Variants in MGMT observed in about 807,000 individuals in gnomAD.
The protein encoded by MGMT is methylated-DNA--protein-cysteine methyltransferase.
A neutral mutation model predicts 15.9 loss-of-function variants in MGMT; 14 were observed. That is an observed-to-expected ratio of 0.88 (90% CI 0.58 to 1.37). MGMT has a LOEUF of 1.37. Among genes scored for constraint, MGMT ranks in the 40% most tolerant of loss-of-function variants. The probability of loss-of-function intolerance (pLI) is 0.00; values close to 1 mark genes in which losing one functional copy is unlikely to be tolerated. For missense variants in MGMT, 282 were observed against 268.1 expected (o/e 1.05, Z -0.36); for synonymous variants, 130 against 118.2 (o/e 1.10, Z -0.65).
At chr10:129,651,785 C>T (rs1182278157) in intron 2 of MGMT, among the ~76,000 whole-genome samples, 1 of 151,950 alleles carries the variant, frequency 6.6e-6, no homozygotes, top group Non-Finnish European at 1.5e-5. Flanking sequence ...GAAGAACGGC[C>T]CTGCAGAGTG....
intron 2 of MGMT, among the ~76,000 whole-genome samples, chr10:129,541,040 T>C (rs1233740366): frequency 6.6e-6 from 1 of 152,252 alleles, no homozygotes; most frequent in Admixed American, 6.5e-5. Context: ...TTGCTTCCTC[T>C]GAATGGGTGT....
chr10:129,626,504 G>T (rs968307483), intron 2 of MGMT, among the ~76,000 whole-genome samples: 1 of 152,178 alleles, frequency 6.6e-6, no homozygotes, highest in Admixed American at 6.5e-5. Context: ...TCCAGCCCGA[G>T]CCCCGCGGCA....
chr10:129,472,523 C>G (rs759942267), intron 1 of MGMT, among the ~76,000 whole-genome samples: 2 of 152,170 alleles, frequency 1.3e-5, no homozygotes, highest in African/African-American at 2.4e-5. Flanking sequence ...TGCACACACC[C>G]AAGCCCTCAC....
At chr10:129,697,765 G>C (rs370059314) in intron 2 of MGMT, among the ~76,000 whole-genome samples, 1 of 152,170 alleles carries the variant, frequency 6.6e-6, no homozygotes, top group Non-Finnish European at 1.5e-5. Context: ...CAGCCACCTT[G>C]CCTGTGGCTG....
chr10:129,638,471 G>A (rs779346893), intron 2 of MGMT, among the ~76,000 whole-genome samples: 14 of 99,582 alleles, frequency 1.4e-4, no homozygotes, highest in Middle Eastern at 5.2e-3. Context: ...AATAACTGAC[G>A]TCTATCTAGA....
At chr10:129,675,143 G>A (rs753064505) in intron 2 of MGMT, among the ~76,000 whole-genome samples, 5 of 152,218 alleles carry the variant, frequency 3.3e-5, no homozygotes, top group African/African-American at 4.8e-5. Context: ...CAAAGCAGCA[G>A]GACAGAGGAC....
At chr10:129,754,879 T>A (rs1848787895) in intron 3 of MGMT, among the ~76,000 whole-genome samples, 1 of 152,172 alleles carries the variant, frequency 6.6e-6, no homozygotes. Flanking sequence ...CAGGAACACA[T>A]TGAAACCTTA....
chr10:129,569,311 A>G (rs972367334), intron 2 of MGMT, among the ~76,000 whole-genome samples: 3 of 152,190 alleles, frequency 2.0e-5, no homozygotes, highest in Non-Finnish European at 4.4e-5. Flanking sequence ...GGCAATGGAA[A>G]TAGTGACAAC....
chr10:129,734,126 A>G (rs1485798110), intron 3 of MGMT, among the ~76,000 whole-genome samples: 3 of 151,400 alleles, frequency 2.0e-5, no homozygotes, highest in Admixed American at 6.6e-5. Flanking sequence ...TGGGGATGGC[A>G]CTGAATCTGT....
chr10:129,527,075 G>A (rs12253749), intron 1 of MGMT, among the ~76,000 whole-genome samples: 37,834 of 152,164 alleles, frequency 0.25, 5,651 homozygotes, highest in African/African-American at 0.42. Context: ...TGGGGCCGTG[G>A]GCTTGTGCTT....
At chr10:129,473,190 TCCC>T (rs1388470289) in intron 1 of MGMT, among the ~76,000 whole-genome samples, 6 of 152,324 alleles carry the variant, frequency 3.9e-5, no homozygotes, top group South Asian at 2.1e-4. Flanking sequence ...GACAGTATTT[TCCC>T]ATGTGTGACG....
intron 2 of MGMT, among the ~76,000 whole-genome samples, chr10:129,669,742 A>G (rs1031813317): frequency 1.2e-4 from 19 of 152,170 alleles, no homozygotes; most frequent in Non-Finnish European, 2.1e-4. Flanking sequence ...TCCACTGTAA[A>G]TTTCTGTGGG....
chr10:129,759,074 G>A (rs1034412731), intron 3 of MGMT, 128 bp from the exon 4 acceptor site: 11 of 1,179,590 alleles, frequency 9.3e-6, no homozygotes, highest in Admixed American at 7.9e-5. Flanking sequence ...CATGGAGGCC[G>A]TGTTTTAATT....
At chr10:129,527,713 C>G (rs929845385) in intron 1 of MGMT, among the ~76,000 whole-genome samples, 3 of 152,162 alleles carry the variant, frequency 2.0e-5, no homozygotes, top group Admixed American at 1.3e-4. Context: ...ACGCCTCTCC[C>G]TGTCCCCACC....
At chr10:129,706,441 C>G (rs1462665947) in intron 2 of MGMT, among the ~76,000 whole-genome samples, 3 of 152,010 alleles carry the variant, frequency 2.0e-5, no homozygotes, top group Non-Finnish European at 4.4e-5. Flanking sequence ...CAAGGCAGCC[C>G]AGGAAGGAAG....
chr10:129,766,712 C>T lies in MGMT; in HGVS notation c.415-76C>T, dbSNP rs956935012. The T allele has an allele frequency of 5.1e-6, 7 of 1,361,432 alleles. No individual in the cohort carries two copies. In the African/African-American group the frequency reaches 1.0e-4, roughly 20 times the overall value. 84.3% of individuals were successfully genotyped at this position (1,361,432 alleles called of 1,614,324 possible). On this transcript the variant is annotated intron_variant, in intron 4 of 4. Coordinates refer to ENST00000651593, the MANE Select transcript of MGMT (RefSeq NM_002412.5). ...TGGTGGGCACAGGACTCCTGTCAGT[C>T]AGGGCCTTGGCCTTGACCCCAAAGA...
intron 2 of MGMT, among the ~76,000 whole-genome samples, chr10:129,656,481 C>G (rs960923650): frequency 3.9e-5 from 6 of 152,148 alleles, no homozygotes; most frequent in African/African-American, 1.2e-4. Context: ...CTGAGATGGT[C>G]TCAGTTAATT....
intron 2 of MGMT, among the ~76,000 whole-genome samples, chr10:129,622,320 A>G (rs544217): frequency 0.48 from 73,439 of 152,080 alleles, 18,208 homozygotes; most frequent in East Asian, 0.62. Context: ...CAGAGATACG[A>G]TTCCACTTTG....
At chr10:129,645,392 G>C (rs1490302879) in intron 2 of MGMT, among the ~76,000 whole-genome samples, 1 of 152,116 alleles carries the variant, frequency 6.6e-6, no homozygotes, top group African/African-American at 2.4e-5. Context: ...AAAGTGCTGG[G>C]ATTACAGGCA....
Sources: allele counts gnomAD v4.1 joint callset (sites outside exome capture counted in the v4.1 genomes callset), GRCh38; gene constraint gnomAD v4.1.1; transcripts MANE v1.5; gene names NCBI Gene and HGNC (gene_info 2026-07-23, HGNC 2026-07-21).